Variants in FGF1 observed in about 807,000 individuals in gnomAD.
FGF1 encodes the protein beta-endothelial cell growth factor.
A neutral mutation model predicts 13.4 loss-of-function variants in FGF1; 9 were observed. The observed-to-expected ratio is 0.67, with a 90% CI of 0.40 to 1.17. The LOEUF is 1.17. Ranked by LOEUF, FGF1 falls within the 50% of genes most tolerant of loss-of-function variation. FGF1 has a pLI of 0.01. For synonymous variants in FGF1, 93 were observed against 79.0 expected, an observed-to-expected ratio of 1.18 and a Z score of -0.94; for missense variants, 156 against 192.7, an observed-to-expected ratio of 0.81 and a Z score of 1.13.
At chr5:142,683,429 C>G (rs1327869365) in intron 1 of FGF1, among the ~76,000 whole-genome samples, 4 of 152,212 alleles carry the variant, frequency 2.6e-5, no homozygotes, top group Non-Finnish European at 5.9e-5. Context: ...ATGTTTACTA[C>G]ACAGACTCAG....
upstream of FGF1, among the ~76,000 whole-genome samples, chr5:142,690,603 C>T (rs930463723): frequency 3.9e-5 from 6 of 152,184 alleles, no homozygotes; most frequent in Non-Finnish European, 5.9e-5. Flanking sequence ...TAGATGTTTG[C>T]ACATTGGTCT....
intron 1 of FGF1, among the ~76,000 whole-genome samples, chr5:142,674,323 T>C (rs890744625): frequency 1.3e-5 from 2 of 152,176 alleles, no homozygotes; most frequent in African/African-American, 2.4e-5. Flanking sequence ...GCATGGATCG[T>C]ATCTGCTCTT....
At chr5:142,645,947 C>T (rs531614632) in intron 1 of FGF1, among the ~76,000 whole-genome samples, 7 of 152,194 alleles carry the variant, frequency 4.6e-5, no homozygotes, top group Admixed American at 1.3e-4. Context: ...CTTGCTTTGT[C>T]GCCTAGGCTG....
intron 1 of FGF1, among the ~76,000 whole-genome samples, chr5:142,677,380 T>G (rs1340772301): frequency 6.6e-6 from 1 of 152,212 alleles, no homozygotes; most frequent in African/African-American, 2.4e-5. Flanking sequence ...CTGACATCAC[T>G]TGTTTGTCTT....
chr5:142,645,690 G>A (rs1342361292), intron 1 of FGF1, among the ~76,000 whole-genome samples: 1 of 152,192 alleles, frequency 6.6e-6, no homozygotes, highest in African/African-American at 2.4e-5. Context: ...CATTGACAGA[G>A]TTGTTCTTTT....
At position 142,668,119 on chromosome 5, in the gene FGF1, TC is replaced by T. The variant is rs1267406042; in HGVS notation, c.-35+17837del. 2.6e-5 allele frequency among the ~76,000 whole-genome samples: 4 copies of T among 152,324 alleles called. No homozygotes were observed. The East Asian group carries it at 7.7e-4, about 29-fold the overall frequency. ...TCCAGTGAGGGAGGGAGAAGGAATT[TC>T]CCTTGTTAAATGTCTCCTCCCAGGC... On this transcript the variant is annotated intron_variant, in intron 1 of 3. Transcript: ENST00000337706.
rs200473800 is a variant in FGF1, at chr5:142,606,460, C to CA, written c.170-5656dup. On this transcript the variant is annotated intron_variant, in intron 2 of 3. Coordinates refer to ENST00000337706, the MANE Select transcript of FGF1 (RefSeq NM_000800.5). ...TGAAACCCCGTCTCTACTAAAAATA[C>CA]AAAAAAAAAAAAATTAGCCAGATGT... Among the ~76,000 whole-genome samples, 1,343 of 134,068 alleles carry CA rather than the reference C, an allele frequency of 0.01. 42 individuals carry two copies. The East Asian group carries it at 0.12, about 12-fold the overall frequency. 88.0% of individuals were successfully genotyped at this position (134,068 alleles called of 152,430 possible). A position where few individuals can be genotyped will look rare whatever the true frequency, so the allele number is the denominator to read the frequency against.
intron 2 of FGF1, among the ~76,000 whole-genome samples, chr5:142,605,438 A>C (rs1051421421): frequency 6.6e-6 from 1 of 152,096 alleles, no homozygotes; most frequent in Admixed American, 6.6e-5. Flanking sequence ...GAAGATTTTT[A>C]AAAAGCTTTT....
chr5:142,601,094 G>A (rs772305163), intron 2 of FGF1: 11 of 567,046 alleles, frequency 1.9e-5, no homozygotes, highest in African/African-American at 1.5e-4. Flanking sequence ...GCACCTTCAC[G>A]GTGCCTCGCT....
intron 2 of FGF1, among the ~76,000 whole-genome samples, chr5:142,602,552 A>C (rs1756800804): frequency 6.6e-6 from 1 of 152,156 alleles, no homozygotes; most frequent in Non-Finnish European, 1.5e-5. Context: ...GATAGTGAAA[A>C]GCTTCGTTCT....
intron 1 of FGF1, among the ~76,000 whole-genome samples, chr5:142,641,598 A>C (rs1303304141): frequency 6.6e-6 from 1 of 152,062 alleles, no homozygotes; most frequent in African/African-American, 2.4e-5. Context: ...TTTGTTGTAA[A>C]AACATATTGT....
At chr5:142,651,917 G>A (rs1767335713) in intron 1 of FGF1, among the ~76,000 whole-genome samples, 1 of 151,800 alleles carries the variant, frequency 6.6e-6, no homozygotes, top group Non-Finnish European at 1.5e-5. Flanking sequence ...GTAGTACAGG[G>A]GTAATAGGTG....
chr5:142,592,384 G>A lies in FGF1; in HGVS notation c.*2906C>T, dbSNP rs946417386. On this transcript the variant is annotated 3_prime_UTR_variant, in exon 4 of 4. Transcript: ENST00000337706. ...AAAGCAAGGACCTTCAGTACTAGCT[G>A]ATGCTCCAATCAGTTTTTTGTTCAT... The A allele has an allele frequency of 5.5e-5, 22 of 398,446 alleles. No homozygotes were observed. Among genetic ancestry groups the A allele is most frequent in the Admixed American group, 2.2e-4 (5 of 22,710 alleles). The allele number at this position is 398,446 out of a possible 1,614,324, so 24.7% of individuals were successfully genotyped here. A position where few individuals can be genotyped will look rare whatever the true frequency, so the allele number is the denominator to read the frequency against.
intron 1 of FGF1, among the ~76,000 whole-genome samples, chr5:142,648,345 A>G (rs1238939196): frequency 6.6e-6 from 1 of 152,206 alleles, no homozygotes; most frequent in Non-Finnish European, 1.5e-5. Context: ...GGATGAGTTC[A>G]TGTCCTTTGC....
At chr5:142,683,293 C>T (rs184081963) in intron 1 of FGF1, among the ~76,000 whole-genome samples, 18 of 152,222 alleles carry the variant, frequency 1.2e-4, no homozygotes, top group Admixed American at 9.8e-4. Context: ...CAGAGGCGTT[C>T]GAACCAGAGC....
intron 1 of FGF1, among the ~76,000 whole-genome samples, chr5:142,659,009 T>G (rs956296403): frequency 1.3e-5 from 2 of 152,070 alleles, no homozygotes; most frequent in African/African-American, 4.8e-5. Flanking sequence ...TGGAGAACAA[T>G]TACATAACCA....
rs118116927 is a variant in FGF1, at chr5:142,670,790, C to T, written c.-35+15167G>A. Among the ~76,000 whole-genome samples the T allele has an allele frequency of 7.2e-5, 11 of 152,286 alleles. No homozygotes were observed. In the East Asian group the frequency reaches 9.6e-4, roughly 13 times the overall value. On this transcript the variant is annotated intron_variant, in intron 1 of 3. Transcript: ENST00000337706. Reference sequence around the variant, plus strand: ...TTGCCCTGCAATTAATGTCTCGGCCCGATGTTGGGTTGCCTTACAATCACA... The same window carrying T: ...TTGCCCTGCAATTAATGTCTCGGCCTGATGTTGGGTTGCCTTACAATCACA...
In FGF1 at chr5:142,619,226, G is replaced by A. The variant is rs1760982965; in HGVS notation, c.-34-5065C>T. Among the ~76,000 whole-genome samples, 4 of 152,096 alleles carry A rather than the reference G, an allele frequency of 2.6e-5. No individual in the cohort carries two copies. In the South Asian group the frequency reaches 6.2e-4, roughly 24 times the overall value. The stretch of plus-strand genomic sequence containing the variant: ...TGGGATTACAGGCGTGAGCCACCAC[G>A]CCCAGCCTTTAGTTTTGTTTTTAAT... On this transcript the variant is annotated intron_variant, in intron 1 of 3. Transcript: ENST00000337706.
intron 1 of FGF1, among the ~76,000 whole-genome samples, chr5:142,624,199 C>T (rs1386605412): frequency 7.2e-5 from 11 of 152,122 alleles, no homozygotes; most frequent in Non-Finnish European, 1.5e-5. Flanking sequence ...GGATTACAGG[C>T]GTGAGCCACC....
Sources: allele counts gnomAD v4.1 joint callset (sites outside exome capture counted in the v4.1 genomes callset), GRCh38; gene constraint gnomAD v4.1.1; transcripts MANE v1.5; gene names NCBI Gene and HGNC (gene_info 2026-07-23, HGNC 2026-07-21).